The following ECPAS variants were observed in gnomAD, a reference collection of about 807,000 sequenced individuals.
ECPAS encodes the protein Ecm29 proteasome adaptor and scaffold, also known as proteasome adapter and scaffold protein ECM29.
ECPAS carries 70 observed loss-of-function variants against 255.1 expected under a neutral mutation model. The ratio of observed to expected loss-of-function variants is 0.27; its 90% CI spans 0.23 to 0.33. The LOEUF (loss-of-function observed/expected upper bound fraction) is 0.33, where lower values mean the gene tolerates loss of function less well. ECPAS is among the 10% of genes least tolerant of loss of function. The pLI is 1.00. For missense variants in ECPAS, 1,817 were observed against 2,206.4 expected, an observed-to-expected ratio of 0.82 and a Z score of 3.54; for synonymous variants, 784 against 775.0, an observed-to-expected ratio of 1.01 and a Z score of -0.19.
chr9:111,483,952 C>T (rs1002205209), intron 1 of ECPAS, 164 bp downstream of exon 1: 19 of 963,526 alleles, frequency 2.0e-5, no homozygotes, highest in Non-Finnish European at 2.3e-5. Flanking sequence ...CGCGCCCGCC[C>T]GCCCTCGCTC....
chr9:111,442,533 A>C, intron 4 of ECPAS, 109 bp from the exon 5 acceptor site: 1 of 716,996 alleles, frequency 1.4e-6, no homozygotes. Context: ...AAGACATTGT[A>C]AACGTGACTC....
chr9:111,389,962 T>C (rs760632292), intron 30 of ECPAS, 22 bp downstream of exon 30: 1 of 1,469,406 alleles, frequency 6.8e-7, no homozygotes, highest in East Asian at 2.3e-5. Flanking sequence ...AAATAAATAA[T>C]TGTCCAGTGA....
chr9:111,366,517 T>C lies in ECPAS; in HGVS notation c.5219+5A>G. ...AATAAAAAACTGAGCCATGAAGCAA[T>C]TTACCCCTGAAAAAAGGCATTCATT... On this transcript the variant is annotated splice_donor_5th_base_variant and intron_variant, in intron 47 of 49. Coordinates refer to ENST00000684092, the MANE Select transcript of ECPAS (RefSeq NM_001364929.1). 1.2e-6 allele frequency: 2 copies of C among 1,602,224 alleles called. No individual in the cohort carries two copies. The highest frequency in any genetic ancestry group is 2.2e-5 in the East Asian group (1 of 44,754).
At chr9:111,389,831 GTCTT>G in intron 30 of ECPAS, 108 bp from the exon 31 acceptor site, 1 of 1,260,922 alleles carries the variant, frequency 7.9e-7, no homozygotes, top group Non-Finnish European at 1.1e-6. Flanking sequence ...TGATTTATTG[GTCTT>G]TCCAATCAAC....
intron 2 of ECPAS, among the ~76,000 whole-genome samples, chr9:111,458,071 G>A (rs970450591): frequency 5.9e-5 from 9 of 152,164 alleles, no homozygotes; most frequent in African/African-American, 2.2e-4. Flanking sequence ...CATATATTAT[G>A]GGGACAATTC....
At chr9:111,399,312 T>G (rs1453510226) in intron 24 of ECPAS, among the ~76,000 whole-genome samples, 2 of 152,300 alleles carry the variant, frequency 1.3e-5, no homozygotes, top group African/African-American at 4.8e-5. Context: ...GACATCACAG[T>G]ACCTGGCTTC....
intron 6 of ECPAS, among the ~76,000 whole-genome samples, 159 bp from the exon 7 acceptor site, chr9:111,437,267 A>C (rs767933031): frequency 3.9e-5 from 6 of 152,238 alleles, no homozygotes; most frequent in Non-Finnish European, 8.8e-5. Flanking sequence ...ATTTTAAGGT[A>C]TCTAAAAAAG....
At chr9:111,423,053 C>A in intron 13 of ECPAS, 146 bp downstream of exon 13, 1 of 610,134 alleles carries the variant, frequency 1.6e-6, no homozygotes, top group Non-Finnish European at 2.9e-6. Flanking sequence ...TCCTTCTACA[C>A]AGAAGACATT....
At chr9:111,429,336 T>G (rs372984940) in intron 9 of ECPAS, among the ~76,000 whole-genome samples, 1 of 152,160 alleles carries the variant, frequency 6.6e-6, no homozygotes. Context: ...GGCTTTGATA[T>G]GTGGTAGGAA....
At chr9:111,414,132 C>A in intron 19 of ECPAS, 146 bp from the exon 20 acceptor site, 2 of 626,144 alleles carry the variant, frequency 3.2e-6, no homozygotes. Context: ...ACCTACACAA[C>A]CTAAATATAG....
chr9:111,373,293 C>T (rs750483881), intron 40 of ECPAS, 22 bp downstream of exon 40: 2 of 1,613,104 alleles, frequency 1.2e-6, no homozygotes, highest in South Asian at 1.1e-5. Context: ...TTTTATTTAA[C>T]TAAGCAAGAA....
intron 27 of ECPAS, among the ~76,000 whole-genome samples, chr9:111,393,253 A>G (rs1284397840): frequency 6.6e-6 from 1 of 152,230 alleles, no homozygotes; most frequent in Non-Finnish European, 1.5e-5. Flanking sequence ...TTAAAAGTCA[A>G]TGCAAGACCA....
rs569108476 is a variant in ECPAS, at chr9:111,442,379, C to G, written c.316G>C (p.Val106Leu). The change falls in exon 5 of 50, where the codon GTG becomes CTG. Residue 106 changes from valine (V) to leucine (L), a missense_variant. Physicochemically the swap from Val to Leu is conservative, Grantham distance 32. Coordinates refer to ENST00000684092, the MANE Select transcript of ECPAS (RefSeq NM_001364929.1). Reference protein sequence around the residue: ...YVKMGYPRLPVEKQCELAPTL... With the variant: ...YVKMGYPRLPLEKQCELAPTL... The stretch of plus-strand genomic sequence containing the variant: ...GGGGCCAGTTCACATTGTTTTTCCA[C>G]TGGTAGGCGAGGATAGCCCATTTTA... The G allele has an allele frequency of 3.7e-5, 60 of 1,612,916 alleles. No homozygotes were observed. In the African/African-American group the frequency reaches 7.9e-4, roughly 21 times the overall value.
chr9:111,395,932 A>G (rs2098166938), intron 25 of ECPAS, among the ~76,000 whole-genome samples: 1 of 152,210 alleles, frequency 6.6e-6, no homozygotes, highest in South Asian at 2.1e-4. Flanking sequence ...CCGTCAATCC[A>G]CAACTCTCAT....
Position 111,413,979 on chromosome 9 carries a change from C to T in ECPAS, c.1995G>A (p.Pro665=), listed in dbSNP as rs888005856. The T allele has an allele frequency of 8.9e-6, 14 of 1,573,456 alleles. No homozygotes were observed. The highest frequency in any genetic ancestry group is 6.8e-5 in the African/African-American group (5 of 73,956). ...CAGCTTCCAATAGACAGTACATAAC[C>T]GGCAAACCTAAATAAGAATTCAGAA... The part of the protein sequence containing the change: ...QQLLAGVGGL[P]VMYCLLEAVS... Residue 665 remains proline (P), a synonymous_variant, in exon 20 of 50, where the codon CCG becomes CCA. Transcript: ENST00000684092.
chr9:111,438,305 A>G (rs1462473951), intron 6 of ECPAS, among the ~76,000 whole-genome samples: 1 of 152,236 alleles, frequency 6.6e-6, no homozygotes, highest in Non-Finnish European at 1.5e-5. Context: ...AAATCAATCA[A>G]TAAGTTAATA....
chr9:111,412,253 T>G, intron 20 of ECPAS, 105 bp from the exon 21 acceptor site: 1 of 982,956 alleles, frequency 1.0e-6, no homozygotes, highest in Non-Finnish European at 1.4e-6. Context: ...TGATGGATAT[T>G]GAGAAAAAAA....
chr9:111,479,276 A>C (rs2098300495), intron 1 of ECPAS, among the ~76,000 whole-genome samples: 1 of 152,184 alleles, frequency 6.6e-6, no homozygotes, highest in Admixed American at 6.6e-5. Flanking sequence ...TGGAGTAATA[A>C]GTACTTAATA....
intron 1 of ECPAS, among the ~76,000 whole-genome samples, chr9:111,483,250 G>C (rs967949696): frequency 3.3e-5 from 5 of 151,900 alleles, no homozygotes; most frequent in African/African-American, 9.7e-5. Context: ...GGCGGATCGC[G>C]GGCAGAGGTG....
Sources: allele counts gnomAD v4.1 joint callset (sites outside exome capture counted in the v4.1 genomes callset), GRCh38; gene constraint gnomAD v4.1.1; transcripts MANE v1.5; gene names NCBI Gene and HGNC (gene_info 2026-07-23, HGNC 2026-07-21).